Variants in PXDC1 observed in about 807,000 individuals in gnomAD.
The protein encoded by PXDC1 is PX domain-containing protein 1.
PXDC1 carries 13 observed loss-of-function variants against 24.4 expected under a neutral mutation model. That is an observed-to-expected ratio of 0.53 (90% CI 0.35 to 0.85). The LOEUF (loss-of-function observed/expected upper bound fraction) is 0.85. Among genes scored for constraint, PXDC1 ranks in the 40% least tolerant of loss-of-function variants. The pLI is 0.01. For synonymous variants in PXDC1, 162 were observed against 124.9 expected (o/e 1.30, Z -1.98); for missense variants, 344 against 309.3 (o/e 1.11, Z -0.84).
intron 1 of PXDC1, chr6:3,738,990 A>G: frequency 1.6e-6 from 2 of 1,279,042 alleles, no homozygotes; most frequent in Non-Finnish European, 2.0e-6. Flanking sequence ...TGATTAAACC[A>G]CAAAGGCTTA....
intron 1 of PXDC1, among the ~76,000 whole-genome samples, chr6:3,742,703 A>C (rs541881435): frequency 1.3e-5 from 2 of 152,320 alleles, no homozygotes; most frequent in Admixed American, 1.3e-4. Context: ...CTCAACTTTA[A>C]AAATTTCATC....
At chr6:3,748,261 C>A (rs930486199) in intron 1 of PXDC1, among the ~76,000 whole-genome samples, 1 of 152,128 alleles carries the variant, frequency 6.6e-6, no homozygotes, top group African/African-American at 2.4e-5. Context: ...GCGACAATAT[C>A]CCCAGGAAAC....
In PXDC1 at chr6:3,751,472, C is replaced by G. The variant is rs1449293016; in HGVS notation, c.60G>C (p.Trp20Cys). The change falls in exon 1 of 5, where the codon TGG becomes TGC. Residue 20 changes from tryptophan (W) to cysteine (C), a missense_variant. Physicochemically the swap from Trp to Cys is radical, Grantham distance 215. Transcript: ENST00000380283. ...CGATGAGCCTGCGGATGCCGTTCACCCAGCAGCCGCGCACGAACATGTTCA... is the reference window on the plus strand; with the variant it reads ...CGATGAGCCTGCGGATGCCGTTCACGCAGCAGCCGCGCACGAACATGTTCA... The part of the protein sequence containing the change: ...SLVNMFVRGC[W>C]VNGIRRLIVS... 2 of 1,604,102 alleles carry G rather than the reference C, an allele frequency of 1.2e-6. No homozygotes were observed. Among genetic ancestry groups the G allele is most frequent in the African/African-American group, 2.7e-5 (2 of 74,458 alleles).
chr6:3,723,785 A>T (rs1211734138), intron 4 of PXDC1, 49 bp from the exon 5 acceptor site: 1 of 1,413,802 alleles, frequency 7.1e-7, no homozygotes, highest in Non-Finnish European at 1.0e-6. Context: ...GTTGGGATCA[A>T]CACCAAACAC....
At chr6:3,738,980 T>C in intron 1 of PXDC1, 7 of 1,285,318 alleles carry the variant, frequency 5.4e-6, no homozygotes, top group Non-Finnish European at 7.1e-6. Flanking sequence ...CTGTGAGCGG[T>C]GATTAAACCA....
rs763979304 is a variant in PXDC1, at chr6:3,751,534, C to A, written c.-3G>T. On this transcript the variant is annotated 5_prime_UTR_variant, in exon 1 of 5. Coordinates refer to ENST00000380283, the MANE Select transcript of PXDC1 (RefSeq NM_183373.4). ...CCCTCAAACACCGCCGAGGCCATGT[C>A]GCACGCATGCCCCCGCCAAGGGCTC... The A allele has an allele frequency of 2.2e-5, 34 of 1,568,990 alleles. No homozygotes were observed. Among genetic ancestry groups the A allele is most frequent in the Non-Finnish European group, 2.8e-5 (33 of 1,160,354 alleles).
Position 3,751,355 on chromosome 6 carries a change from G to T in PXDC1, c.177C>A (p.Asp59Glu). The part of the protein sequence containing the change: ...SVLYLHRSLA[D>E]LGRLWQRLRD... Reference sequence around the variant, plus strand: ...GCAGGCGCTGCCACAGGCGGCCCAGGTCCGCCAGGCTGCGGTGCAGGTAGA... The same window carrying T: ...GCAGGCGCTGCCACAGGCGGCCCAGTTCCGCCAGGCTGCGGTGCAGGTAGA... The change falls in exon 1 of 5, where the codon GAC becomes GAA. Residue 59 changes from aspartate (D) to glutamate (E), a missense_variant. By Grantham distance (45) the Asp-to-Glu change is conservative (BLOSUM62 2). Transcript: ENST00000380283. 6.4e-7 allele frequency: 1 copy of T among 1,558,056 alleles called. No homozygotes were observed.
Position 3,737,170 on chromosome 6 carries a change from G to C in PXDC1, c.375C>G (p.Thr125=). The C allele has an allele frequency of 6.2e-7, 1 of 1,612,354 alleles. No individual in the cohort carries two copies. The highest frequency in any genetic ancestry group is 8.5e-7 in the Non-Finnish European group (1 of 1,178,352). The stretch of plus-strand genomic sequence containing the variant: ...GATCCAGAGGAGATCTTTCGAAGAA[G>C]GTGAGCACAACTTCCGATCTAGAAT... ...CKYSRSEVVL[T]FFERSPLDQV... is the part of the protein sequence containing the mutation. Residue 125 remains threonine (T), a synonymous_variant, in exon 3 of 5, where the codon ACC becomes ACG. Coordinates refer to ENST00000380283, the MANE Select transcript of PXDC1 (RefSeq NM_183373.4). The surrounding 1 kb of genome is among the most constrained non-coding windows in gnomAD (Gnocchi z 5.5).
In PXDC1 at chr6:3,725,856, G is replaced by A. The variant is rs1760053376; in HGVS notation, c.578+1695C>T. On this transcript the variant is annotated intron_variant, in intron 4 of 4. Coordinates refer to ENST00000380283, the MANE Select transcript of PXDC1 (RefSeq NM_183373.4). This position sits in a 1 kb window ranked among gnomAD's most constrained non-coding sequence, Gnocchi z 4.8. ...CCCTCCAGATGCTCCCGAGCCCCAT[G>A]GCGGCAGGCGTTTCTTTGTTAGGCT... Among the ~76,000 whole-genome samples, 1 of 152,214 alleles carries A rather than the reference G, an allele frequency of 6.6e-6. No individual in the cohort carries two copies. Among genetic ancestry groups the A allele is most frequent in the African/African-American group, 2.4e-5 (1 of 41,464 alleles).
Position 3,724,708 on chromosome 6 carries a change from A to G in PXDC1, c.579-972T>C, listed in dbSNP as rs918572513. Among the ~76,000 whole-genome samples the G allele has an allele frequency of 1.3e-5, 2 of 152,182 alleles. No homozygotes were observed. The highest frequency in any genetic ancestry group is 4.8e-5 in the African/African-American group (2 of 41,464). Reference sequence around the variant, plus strand: ...TGAAGGTGGCCCTGGCCCGTGGACAACTGTGGGAACTCAGCCATCTCTGGA... The same window carrying G: ...TGAAGGTGGCCCTGGCCCGTGGACAGCTGTGGGAACTCAGCCATCTCTGGA... On this transcript the variant is annotated intron_variant, in intron 4 of 4. Coordinates refer to ENST00000380283, the MANE Select transcript of PXDC1 (RefSeq NM_183373.4). The surrounding 1 kb of genome is among the most constrained non-coding windows in gnomAD (Gnocchi z 4.5).
chr6:3,751,123 C>G (rs1760704764), intron 1 of PXDC1, 153 bp downstream of exon 1: 1 of 599,328 alleles, frequency 1.7e-6, no homozygotes, highest in Non-Finnish European at 2.7e-6. Context: ...CGCCCGGGCA[C>G]CCCTCGTCTG....
rs954003287 is a variant in PXDC1 at position 3,724,255 on chromosome 6, C to T, written c.579-519G>A. Among the ~76,000 whole-genome samples, 1 of 151,646 alleles carries T rather than the reference C, an allele frequency of 6.6e-6. No individual in the cohort carries two copies. Among genetic ancestry groups the T allele is most frequent in the Non-Finnish European group, 1.5e-5 (1 of 67,856 alleles). On this transcript the variant is annotated intron_variant, in intron 4 of 4. Coordinates refer to ENST00000380283, the MANE Select transcript of PXDC1 (RefSeq NM_183373.4). The surrounding 1 kb of genome is among the most constrained non-coding windows in gnomAD (Gnocchi z 4.5). ...GGTCACGGGGGGAGACACCTTCTAGCGGGGAAGCCTGCATGTGGGTACGTG... is the reference window on the plus strand; with the variant it reads ...GGTCACGGGGGGAGACACCTTCTAGTGGGGAAGCCTGCATGTGGGTACGTG...
chr6:3,749,844 G>C (rs1277083151), intron 1 of PXDC1, among the ~76,000 whole-genome samples: 1 of 152,222 alleles, frequency 6.6e-6, no homozygotes, highest in Non-Finnish European at 1.5e-5. Flanking sequence ...GTGAAGCTCA[G>C]GGACTCCAGT....
rs1247386752 is a variant in PXDC1, at chr6:3,736,981, T to C, written c.466+98A>G. The C allele has an allele frequency of 5.3e-6, 4 of 751,462 alleles. No homozygotes were observed. In the East Asian group the frequency reaches 7.4e-5, roughly 14 times the overall value. 46.5% of individuals were successfully genotyped at this position (751,462 alleles called of 1,614,324 possible). A position where few individuals can be genotyped will look rare whatever the true frequency, so the allele number is the denominator to read the frequency against. On this transcript the variant is annotated intron_variant, in intron 3 of 4. Transcript: ENST00000380283. ...TCTCTCGATTGTCTTTCTGGAAAAG[T>C]GTGGCCCAGCCTCAGAGACAGCCAA...
chr6:3,748,874 G>A (rs2127602908), intron 1 of PXDC1, among the ~76,000 whole-genome samples: 1 of 152,326 alleles, frequency 6.6e-6, no homozygotes, highest in East Asian at 1.9e-4. Flanking sequence ...AGAAAAGCCG[G>A]CATTGCAGCA....
chr6:3,739,996 G>A (rs1161715167), intron 1 of PXDC1, among the ~76,000 whole-genome samples: 1 of 152,118 alleles, frequency 6.6e-6, no homozygotes, highest in African/African-American at 2.4e-5. Flanking sequence ...TTTATTCTAA[G>A]ACAAGCAAAA....
intron 1 of PXDC1, among the ~76,000 whole-genome samples, chr6:3,748,904 G>C (rs542204356): frequency 6.6e-6 from 1 of 152,322 alleles, no homozygotes; most frequent in South Asian, 2.1e-4. Flanking sequence ...ACACACATCT[G>C]GCTGCCTTTT....
intron 3 of PXDC1, among the ~76,000 whole-genome samples, chr6:3,731,741 G>A (rs898231165): frequency 6.6e-6 from 1 of 152,212 alleles, no homozygotes; most frequent in Non-Finnish European, 1.5e-5. Context: ...TGTCCCTCAT[G>A]ACCGTAGCAC....
chr6:3,723,662 G>A lies in PXDC1; in HGVS notation c.653C>T (p.Ser218Leu). The A allele has an allele frequency of 5.0e-6, 8 of 1,614,190 alleles. No homozygotes were observed. The highest frequency in any genetic ancestry group is 6.8e-6 in the Non-Finnish European group (8 of 1,180,020). Reference protein sequence around the residue: ...DDPAAYVTNLSYYHLVPFETD... With the variant: ...DDPAAYVTNLLYYHLVPFETD... ...CTCGAAGGGGACCAGGTGGTAATATGACAGGTTGGTGACGTAGGCTGCTGG... is the reference window on the plus strand; with the variant it reads ...CTCGAAGGGGACCAGGTGGTAATATAACAGGTTGGTGACGTAGGCTGCTGG... Residue 218 changes from serine to leucine, a missense_variant, in exon 5 of 5, where the codon TCA becomes TTA. By Grantham distance (145) the Ser-to-Leu change is moderately radical. Transcript: ENST00000380283.
Sources: gnomAD v4.1 joint callset for allele counts (sites outside exome capture counted in the v4.1 genomes callset) on GRCh38, gnomAD v4.1.1 for gene constraint, Gnocchi (gnomAD v3.1) non-coding constraint, MANE v1.5 for transcripts, NCBI Gene and HGNC (gene_info 2026-07-23, HGNC 2026-07-21) for gene names.